ZIM3: variants seen among roughly 807,000 people sequenced by gnomAD.
ZIM3 encodes zinc finger protein 657.
Under a neutral mutation model 12.9 loss-of-function variants are expected in ZIM3, and 11 were observed. That is an observed-to-expected ratio of 0.85 (90% CI 0.54 to 1.41). The LOEUF (loss-of-function observed/expected upper bound fraction) is 1.41, where lower values mean the gene tolerates loss of function less well. ZIM3 is among the 40% of genes most tolerant of loss of function. ZIM3 has a pLI of 0.00. For missense variants in ZIM3, 604 were observed against 557.2 expected, an observed-to-expected ratio of 1.08 and a Z score of -0.85; for synonymous variants, 205 against 198.5, an observed-to-expected ratio of 1.03 and a Z score of -0.28.
rs1179446126 is a variant in ZIM3 at position 57,138,606 on chromosome 19, A to T, written c.16-8T>A. ...CTCGAAGGTCACTCTTCCCTGTAAC[A>T]ACAGATTCCCGATCAGTATAAAAAT... On this transcript the variant is annotated splice_region_variant and splice_polypyrimidine_tract_variant and intron_variant, in intron 2 of 4. Coordinates refer to ENST00000269834, the MANE Select transcript of ZIM3 (RefSeq NM_052882.1). The T allele has an allele frequency of 6.2e-7, 1 of 1,614,106 alleles. No individual in the cohort carries two copies. Among genetic ancestry groups the T allele is most frequent in the South Asian group, 1.1e-5 (1 of 91,078 alleles).
At position 57,135,181 on chromosome 19, in the gene ZIM3, T is replaced by C; in HGVS notation, c.1156A>G (p.Thr386Ala). ...TTACATTCATAGGGCTTTTCCCCAG[T>C]ATGGATTTTTTTATGTTGAATGAGG... Reference protein sequence around the residue: ...KNLIQHKKIHTGEKPYECNRC... With the variant: ...KNLIQHKKIHAGEKPYECNRC... The change falls in exon 5 of 5, where the codon ACT becomes GCT. Residue 386 changes from threonine to alanine, a missense_variant. Thr to Ala is a moderately conservative substitution (Grantham distance 58). Coordinates refer to ENST00000269834, the MANE Select transcript of ZIM3 (RefSeq NM_052882.1). 6.2e-7 allele frequency: 1 copy of C among 1,613,948 alleles called. No individual in the cohort carries two copies. The highest frequency in any genetic ancestry group is 8.5e-7 in the Non-Finnish European group (1 of 1,179,924).
chr19:57,134,199 A>G lies in ZIM3; in HGVS notation c.*719T>C, dbSNP rs1244264241. ...TCCTGGATGTGGTTTCCAGTCCCCT[A>G]CACCTCTAGAGAAACCTCTCCACTC... is the stretch of plus-strand genomic sequence containing the variant. On this transcript the variant is annotated 3_prime_UTR_variant, in exon 5 of 5. Coordinates refer to ENST00000269834, the MANE Select transcript of ZIM3 (RefSeq NM_052882.1). The G allele has an allele frequency of 6.6e-6, 1 of 152,228 alleles. No homozygotes were observed. Among genetic ancestry groups the G allele is most frequent in the Non-Finnish European group, 1.5e-5 (1 of 68,036 alleles). 9.4% of individuals were successfully genotyped at this position (152,228 alleles called of 1,614,324 possible). A position where few individuals can be genotyped will look rare whatever the true frequency, so the allele number is the denominator to read the frequency against.
At chr19:57,136,586 C>T (rs747093880) in intron 4 of ZIM3, among the ~76,000 whole-genome samples, 5 of 150,912 alleles carry the variant, frequency 3.3e-5, no homozygotes, top group Non-Finnish European at 5.9e-5. Flanking sequence ...ATCGTTCGAA[C>T]TCGGGAGGCG....
intron 2 of ZIM3, among the ~76,000 whole-genome samples, chr19:57,141,178 T>G (rs1420322410): frequency 1.3e-5 from 2 of 152,038 alleles, no homozygotes; most frequent in African/African-American, 4.8e-5. Context: ...GTGGATCACC[T>G]GAGGTCAGGA....
At chr19:57,142,922 G>A (rs1457388435) in intron 1 of ZIM3, among the ~76,000 whole-genome samples, 2 of 152,008 alleles carry the variant, frequency 1.3e-5, no homozygotes, top group East Asian at 1.9e-4. Flanking sequence ...AGCCAGGCAC[G>A]GTGGCTCACG....
In ZIM3 at chr19:57,136,053, T is replaced by C. The variant is rs145188937; in HGVS notation, c.284A>G (p.Asp95Gly). 66 of 1,613,242 alleles carry C rather than the reference T, an allele frequency of 4.1e-5. No individual in the cohort carries two copies. In the African/African-American group the frequency reaches 8.4e-4, roughly 21 times the overall value. ...TTCTCTTGCGAGACTCTCTTTCACATCCTTTGGCTTCCAAATCTGCCCTCC... is the reference window on the plus strand; with the variant it reads ...TTCTCTTGCGAGACTCTCTTTCACACCCTTTGGCTTCCAAATCTGCCCTCC... ...DIGGQIWKPK[D>G]VKESLAREVP... Residue 95 changes from aspartate (D) to glycine (G), a missense_variant, in exon 5 of 5, where the codon GAT becomes GGT. Physicochemically the swap from Asp to Gly is moderately conservative, Grantham distance 94 (BLOSUM62 -1). Coordinates refer to ENST00000269834, the MANE Select transcript of ZIM3 (RefSeq NM_052882.1).
intron 3 of ZIM3, among the ~76,000 whole-genome samples, chr19:57,137,220 C>T (rs184878554): frequency 1.9e-3 from 295 of 152,148 alleles, no homozygotes; most frequent in Middle Eastern, 0.01. Flanking sequence ...TGTGGCGGCT[C>T]ATGCCTGTAA....
intron 2 of ZIM3, among the ~76,000 whole-genome samples, chr19:57,139,499 G>T (rs2086904424): frequency 6.6e-6 from 1 of 152,036 alleles, no homozygotes; most frequent in Admixed American, 6.6e-5. Flanking sequence ...GCTGAGACAG[G>T]TGGATCACCC....
chr19:57,142,648 T>A lies in ZIM3; in HGVS notation c.-5A>T. On this transcript the variant is annotated 5_prime_UTR_variant, in exon 2 of 5. Transcript: ENST00000269834. The stretch of plus-strand genomic sequence containing the variant: ...GCTCACCTGGGAATTGTTCATTTCC[T>A]GTTCTTCACCAGTCAGTAAAGTCTT... 1 of 1,613,686 alleles carries A rather than the reference T, an allele frequency of 6.2e-7. No homozygotes were observed.
rs774652633 is a variant in ZIM3 at position 57,136,063 on chromosome 19, T to A, written c.274A>T (p.Lys92Ter). ...AGACTCTCTTTCACATCCTTTGGCT[T>A]CCAAATCTGCCCTCCAATGTCCCCA... Reference protein sequence around the residue: ...KNGDIGGQIWKPKDVKESLAR... With the variant: ...KNGDIGGQIW The change falls in exon 5 of 5, where the codon AAG (lysine) becomes TAG (stop). Residue 92 changes from lysine to a stop codon, truncating the protein, a stop_gained. Transcript: ENST00000269834. LOFTEE classifies it low-confidence loss of function (END_TRUNC). The A allele has an allele frequency of 2.5e-6, 4 of 1,612,670 alleles. No individual in the cohort carries two copies.
In ZIM3 at chr19:57,135,951, A is replaced by C; in HGVS notation, c.386T>G (p.Leu129Arg). Residue 129 changes from leucine to arginine, a missense_variant, in exon 5 of 5, where the codon CTG becomes CGG. Coordinates refer to ENST00000269834, the MANE Select transcript of ZIM3 (RefSeq NM_052882.1). ...CAAGGAAGATACATCATCTATGCCC[A>C]GTGGAAGTATTTTCTTAGATCCGTC... Reference protein sequence around the residue: ...ECDGSKKILPLGIDDVSSLQH... With the variant: ...ECDGSKKILPRGIDDVSSLQH... The C allele has an allele frequency of 6.2e-7, 1 of 1,614,162 alleles. No homozygotes were observed. The highest frequency in any genetic ancestry group is 8.5e-7 in the Non-Finnish European group (1 of 1,180,044).
In ZIM3 at chr19:57,135,336, G is replaced by A; in HGVS notation, c.1001C>T (p.Pro334Leu). ...CTTCTCACATATGCTACATTTATAG[G>A]GTTTCTCTCCCGTGTGTATTCTCTG... The part of the protein sequence containing the change: ...KHQRIHTGEK[P>L]YKCSICEKAF... The change falls in exon 5 of 5, where the codon CCC becomes CTC. Residue 334 changes from proline to leucine, a missense_variant. Coordinates refer to ENST00000269834, the MANE Select transcript of ZIM3 (RefSeq NM_052882.1). 6.2e-7 allele frequency: 1 copy of A among 1,614,014 alleles called. No homozygotes were observed. The highest frequency in any genetic ancestry group is 8.5e-7 in the Non-Finnish European group (1 of 1,180,010).
At chr19:57,142,507 A>C in intron 2 of ZIM3, 122 bp downstream of exon 2, 1 of 1,017,114 alleles carries the variant, frequency 9.8e-7, no homozygotes, top group South Asian at 1.5e-5. Context: ...GTTACCTTTT[A>C]ATAGAAGTAT....
chr19:57,143,279 C>G (rs1278817097), intron 1 of ZIM3, among the ~76,000 whole-genome samples: 6 of 150,582 alleles, frequency 4.0e-5, no homozygotes, highest in African/African-American at 1.5e-4. Flanking sequence ...TGCAGTGAGC[C>G]GAGATCGCGC....
intron 1 of ZIM3, 147 bp from the exon 2 acceptor site, chr19:57,142,832 C>A: frequency 1.8e-6 from 1 of 558,436 alleles, no homozygotes. Context: ...TGATCCCCTT[C>A]TGAAGGTCTT....
At chr19:57,142,793 A>G in intron 1 of ZIM3, 108 bp from the exon 2 acceptor site, 6 of 809,910 alleles carry the variant, frequency 7.4e-6, no homozygotes, top group Non-Finnish European at 1.2e-5. Context: ...TCCCTAACCC[A>G]CTCAGAAAAG....
chr19:57,137,962 G>A (rs868252592), intron 3 of ZIM3, among the ~76,000 whole-genome samples: 13 of 59,068 alleles, frequency 2.2e-4, no homozygotes, highest in African/African-American at 3.5e-4. Context: ...AAGGAAGGAA[G>A]GAAGGAAAGA....
chr19:57,139,376 A>ATT (rs934091545), intron 2 of ZIM3, among the ~76,000 whole-genome samples: 1 of 151,348 alleles, frequency 6.6e-6, no homozygotes, highest in Admixed American at 6.6e-5. Flanking sequence ...ATGTTATTAT[A>ATT]TTTTTTTTCT....
intron 2 of ZIM3, among the ~76,000 whole-genome samples, chr19:57,141,638 G>A (rs1452291277): frequency 6.6e-6 from 1 of 151,974 alleles, no homozygotes; most frequent in African/African-American, 2.4e-5. Flanking sequence ...ATCACCTGAG[G>A]TCAAGATTTC....
Sources: allele counts gnomAD v4.1 joint callset (sites outside exome capture counted in the v4.1 genomes callset), GRCh38; gene constraint gnomAD v4.1.1; transcripts MANE v1.5; gene names NCBI Gene and HGNC (gene_info 2026-07-23, HGNC 2026-07-21).